CHN2: variants seen among roughly 807,000 people sequenced by gnomAD.
CHN2 encodes beta-chimaerin.
A neutral mutation model predicts 56.3 loss-of-function variants in CHN2; 35 were observed. The observed-to-expected ratio is 0.62, with a 90% CI of 0.47 to 0.82. The LOEUF (loss-of-function observed/expected upper bound fraction) is 0.82. CHN2 is among the 40% of genes least tolerant of loss of function. The probability of loss-of-function intolerance (pLI) is 0.00; values close to 1 mark genes in which losing one functional copy is unlikely to be tolerated. For synonymous variants in CHN2, 210 were observed against 212.8 expected (o/e 0.99, Z 0.12); for missense variants, 491 against 580.5 (o/e 0.85, Z 1.58).
chr7:29,293,796 T>G (rs1034125340), intron 1 of CHN2, among the ~76,000 whole-genome samples: 1 of 152,022 alleles, frequency 6.6e-6, no homozygotes, highest in Non-Finnish European at 1.5e-5. Flanking sequence ...TCACTATGTG[T>G]TTTATGTATG....
intron 6 of CHN2, among the ~76,000 whole-genome samples, chr7:29,440,019 A>C (rs937705019): frequency 2.6e-5 from 4 of 152,194 alleles, no homozygotes; most frequent in African/African-American, 4.8e-5. Context: ...TAAACCACAT[A>C]CTGGTGACAA....
chr7:29,495,165 C>G (rs1031525749), intron 7 of CHN2, among the ~76,000 whole-genome samples: 1 of 152,042 alleles, frequency 6.6e-6, no homozygotes, highest in Non-Finnish European at 1.5e-5. Context: ...CTCTTTGATG[C>G]CAGTATTTTT....
At chr7:29,238,655 A>G (rs1787399266) in intron 1 of CHN2, among the ~76,000 whole-genome samples, 1 of 152,210 alleles carries the variant, frequency 6.6e-6, no homozygotes, top group East Asian at 1.9e-4. Context: ...AAATGGGGCA[A>G]ATATGAGGAT....
At chr7:29,241,482 GTTA>G (rs1435383652) in intron 1 of CHN2, among the ~76,000 whole-genome samples, 3 of 151,876 alleles carry the variant, frequency 2.0e-5, no homozygotes, top group Admixed American at 2.0e-4. Flanking sequence ...GCACAGGCTG[GTTA>G]GAGATTCTCT....
intron 1 of CHN2, among the ~76,000 whole-genome samples, chr7:29,350,036 A>C (rs1055698677): frequency 6.6e-6 from 1 of 151,884 alleles, no homozygotes; most frequent in African/African-American, 2.4e-5. Context: ...TTCTTTCTTT[A>C]TTTTATTTTT....
At chr7:29,200,024 A>C (rs1369319497) in intron 1 of CHN2, 1 of 152,322 alleles carries the variant, frequency 6.6e-6, no homozygotes, top group Non-Finnish European at 1.5e-5. Flanking sequence ...ATTTTTGCAC[A>C]ATGGTGGAAG....
chr7:29,512,812 C>A lies in CHN2; in HGVS notation c.*77C>A. 1 of 1,473,402 alleles carries A rather than the reference C, an allele frequency of 6.8e-7. No homozygotes were observed. Among genetic ancestry groups the A allele is most frequent in the Non-Finnish European group, 9.2e-7 (1 of 1,091,198 alleles). 91.3% of individuals were successfully genotyped at this position (1,473,402 alleles called of 1,614,324 possible). ...CTAAAGGAATAAAAACATTTCTTAC[C>A]ACTTGATTTGTTTTCCAAGCAAGTG... On this transcript the variant is annotated 3_prime_UTR_variant, in exon 13 of 13. Coordinates refer to ENST00000222792, the MANE Select transcript of CHN2 (RefSeq NM_004067.4).
chr7:29,281,787 GAT>G (rs910269186), intron 1 of CHN2, among the ~76,000 whole-genome samples: 17 of 152,324 alleles, frequency 1.1e-4, no homozygotes, highest in African/African-American at 3.8e-4. Flanking sequence ...TCCCCTAAGA[GAT>G]ATTTATCAGG....
chr7:29,207,027 T>C (rs781468431), intron 1 of CHN2, among the ~76,000 whole-genome samples: 2 of 152,242 alleles, frequency 1.3e-5, no homozygotes, highest in Non-Finnish European at 2.9e-5. Flanking sequence ...ATTGTGGTAA[T>C]ACTTAATAGT....
intron 1 of CHN2, among the ~76,000 whole-genome samples, chr7:29,240,878 C>T (rs1481252361): frequency 2.0e-5 from 3 of 151,278 alleles, no homozygotes; most frequent in South Asian, 2.1e-4. Flanking sequence ...CTTCCTTCTT[C>T]CTTCTTCCTT....
At chr7:29,509,153 CA>C in intron 11 of CHN2, 147 bp from the exon 12 acceptor site, 1 of 614,332 alleles carries the variant, frequency 1.6e-6, no homozygotes, top group Non-Finnish European at 2.9e-6. Context: ...AGGACACCAA[CA>C]AATTGATTAA....
At position 29,289,491 on chromosome 7, in the gene CHN2, A is replaced by G. The variant is rs530311593; in HGVS notation, c.50-65134A>G. ...GGTTAGGCATGAGTAAGCCGACGGGAGAGGGAGGCACACATGCTTTGCCCT... is the reference window on the plus strand; with the variant it reads ...GGTTAGGCATGAGTAAGCCGACGGGGGAGGGAGGCACACATGCTTTGCCCT... On this transcript the variant is annotated intron_variant, in intron 1 of 12. Transcript: ENST00000222792. Among the ~76,000 whole-genome samples the G allele has an allele frequency of 3.3e-5, 5 of 152,270 alleles. No homozygotes were observed. The South Asian group carries it at 1.0e-3, about 32-fold the overall frequency.
At chr7:29,327,360 A>G (rs1462886990) in intron 1 of CHN2, among the ~76,000 whole-genome samples, 1 of 152,210 alleles carries the variant, frequency 6.6e-6, no homozygotes, top group Non-Finnish European at 1.5e-5. Flanking sequence ...TAATCCCTAC[A>G]GGGGACTCTG....
At chr7:29,498,758 CTTTTTTTTTTTT>C (rs138784356) in intron 8 of CHN2, among the ~76,000 whole-genome samples, 8 of 100,078 alleles carry the variant, frequency 8.0e-5, no homozygotes, top group Non-Finnish European at 1.1e-4. Context: ...ACTATGCTGC[CTTTTTTTTTTTT>C]TTTTTTTTTG....
At chr7:29,191,545 G>C (rs962535150), upstream of CHN2, 1 of 152,224 alleles carries the variant, frequency 6.6e-6, no homozygotes, top group Non-Finnish European at 1.5e-5. Context: ...GGAAAGGTAA[G>C]TTTGGAAGGC....
intron 1 of CHN2, among the ~76,000 whole-genome samples, chr7:29,308,618 G>C (rs151308033): frequency 6.6e-6 from 1 of 152,172 alleles, no homozygotes; most frequent in South Asian, 2.1e-4. Context: ...CAAGGAATGC[G>C]TGGAGGATTG....
At chr7:29,290,508 A>G (rs1189328965) in intron 1 of CHN2, among the ~76,000 whole-genome samples, 1 of 152,180 alleles carries the variant, frequency 6.6e-6, no homozygotes, top group Non-Finnish European at 1.5e-5. Context: ...ATTCACACAC[A>G]GCCACATATC....
chr7:29,355,112 G>A (rs995004267), intron 2 of CHN2, among the ~76,000 whole-genome samples: 6 of 152,030 alleles, frequency 3.9e-5, no homozygotes, highest in African/African-American at 1.4e-4. Context: ...GAGATTACAG[G>A]CATGCGCCAC....
intron 6 of CHN2, chr7:29,479,549 T>C: frequency 1.8e-6 from 1 of 560,538 alleles, no homozygotes; most frequent in Non-Finnish European, 2.3e-6. Context: ...GGCAGATTTT[T>C]AATAAAGAGA....
Sources: allele counts gnomAD v4.1 joint callset (sites outside exome capture counted in the v4.1 genomes callset), GRCh38; gene constraint gnomAD v4.1.1; transcripts MANE v1.5; gene names NCBI Gene and HGNC (gene_info 2026-07-23, HGNC 2026-07-21).